The following RIMKLB variants were observed in gnomAD, a reference collection of about 807,000 sequenced individuals.
RIMKLB encodes beta-citrylglutamate synthase B.
In RIMKLB, 7 loss-of-function variants were observed where a neutral mutation model predicts 32.0. That is an observed-to-expected ratio of 0.22 (90% CI 0.12 to 0.41). The LOEUF is 0.41. Ranked by LOEUF, RIMKLB falls within the 10% of genes least tolerant of loss-of-function variation. The probability of loss-of-function intolerance (pLI) is 1.00; values close to 1 mark genes in which losing one functional copy is unlikely to be tolerated. For missense variants in RIMKLB, 289 were observed against 498.7 expected, an observed-to-expected ratio of 0.58 and a Z score of 4.00; for synonymous variants, 172 against 185.1, an observed-to-expected ratio of 0.93 and a Z score of 0.57.
chr12:8,781,445 A>T (rs1239970199), downstream of RIMKLB, among the ~76,000 whole-genome samples: 3 of 152,176 alleles, frequency 2.0e-5, no homozygotes, highest in African/African-American at 7.2e-5. Context: ...GGGTGGCGTG[A>T]TCTCTTCCAG....
chr12:8,687,465 G>A (rs758012982), intron 1 of RIMKLB, among the ~76,000 whole-genome samples: 13 of 152,094 alleles, frequency 8.5e-5, no homozygotes, highest in African/African-American at 2.9e-4. Context: ...CCAGAGAAAT[G>A]TTACAACTTA....
chr12:8,727,482 C>G (rs780350114), intron 2 of RIMKLB, among the ~76,000 whole-genome samples: 17 of 152,286 alleles, frequency 1.1e-4, no homozygotes, highest in African/African-American at 3.9e-4. Flanking sequence ...GGTAATCCAC[C>G]CGCCTCGGCC....
exon 1 of RIMKLB, chr12:8,681,724 G>A (rs756656199): frequency 6.6e-6 from 1 of 152,340 alleles, no homozygotes; most frequent in East Asian, 1.9e-4. Flanking sequence ...CTGCTAGGAG[G>A]GTGGTGTACT....
intron 5 of RIMKLB, among the ~76,000 whole-genome samples, chr12:8,757,393 C>T (rs181435104): frequency 2.0e-3 from 301 of 149,000 alleles, no homozygotes; most frequent in African/African-American, 6.8e-3. Context: ...ATAAGCCAGA[C>T]GTGGTGATTC....
In RIMKLB at chr12:8,758,227, A is replaced by AT. The variant is rs112378960; in HGVS notation, c.697+4144dup. On this transcript the variant is annotated intron_variant, in intron 5 of 5. Coordinates refer to ENST00000535829, the MANE Select transcript of RIMKLB (RefSeq NM_001297776.2). ...TCCTTTGTGTCCTTTTTTAATCGAG[A>AT]TTTTTTTTTTCCTTTTTTGTATTGA... Among the ~76,000 whole-genome samples the AT allele has an allele frequency of 1.7e-4, 25 of 142,940 alleles. 1 individual carries two copies. The highest frequency in any genetic ancestry group is 3.5e-3 in the Middle Eastern group (1 of 284). The allele number at this position is 142,940 out of a possible 152,430, so 93.8% of individuals were successfully genotyped here.
chr12:8,676,740 C>T (rs73245496), upstream of RIMKLB, among the ~76,000 whole-genome samples: 1,067 of 152,140 alleles, frequency 7.0e-3, 8 homozygotes, highest in African/African-American at 0.023. Context: ...TATCTATGTC[C>T]TCAACTCTAA....
chr12:8,730,259 T>C (rs1946414014), intron 2 of RIMKLB, among the ~76,000 whole-genome samples: 1 of 152,186 alleles, frequency 6.6e-6, no homozygotes, highest in Non-Finnish European at 1.5e-5. Context: ...CTAATTATTT[T>C]ATTTTATTTT....
intron 5 of RIMKLB, 46 bp from the exon 6 acceptor site, chr12:8,773,275 A>C (rs1259356962): frequency 5.0e-6 from 7 of 1,396,202 alleles, no homozygotes; most frequent in Non-Finnish European, 7.0e-6. Context: ...ATTTTATTTC[A>C]AAAGTTTATG....
At chr12:8,756,473 A>G (rs1949037562) in intron 5 of RIMKLB, among the ~76,000 whole-genome samples, 1 of 152,128 alleles carries the variant, frequency 6.6e-6, no homozygotes, top group Non-Finnish European at 1.5e-5. Context: ...CAAGTCAAAG[A>G]AGAGAATACA....
intron 2 of RIMKLB, among the ~76,000 whole-genome samples, chr12:8,720,765 C>T (rs993814168): frequency 6.6e-6 from 1 of 152,122 alleles, no homozygotes; most frequent in African/African-American, 2.4e-5. Flanking sequence ...GTCTGGAACT[C>T]CTGACCTTGA....
At position 8,751,957 on chromosome 12, in the gene RIMKLB, G is replaced by C; in HGVS notation, c.407G>C (p.Gly136Ala). 6.2e-7 allele frequency: 1 copy of C among 1,609,394 alleles called. No homozygotes were observed. Among genetic ancestry groups the C allele is most frequent in the Non-Finnish European group, 8.5e-7 (1 of 1,176,072 alleles). ...GVPLPDTFSY[G>A]GHENFAKMID... ...TAAATTTTTGTATTGCTCAAACCAGGTGGCCACGAAAATTTTGCTAAAATG... is the reference window on the plus strand; with the variant it reads ...TAAATTTTTGTATTGCTCAAACCAGCTGGCCACGAAAATTTTGCTAAAATG... The change falls in exon 4 of 6, where the codon GGT becomes GCT. Residue 136 changes from glycine (G) to alanine (A), a missense_variant and splice_region_variant. Physicochemically the swap from Gly to Ala is moderately conservative, Grantham distance 60. This residue lies in a region of RIMKLB where 156 missense variants were observed against 329.5 expected (regional missense o/e 0.47). Transcript: ENST00000535829.
At chr12:8,707,880 A>T (rs1012876374) in intron 1 of RIMKLB, among the ~76,000 whole-genome samples, 1 of 152,224 alleles carries the variant, frequency 6.6e-6, no homozygotes, top group Non-Finnish European at 1.5e-5. Flanking sequence ...AACTCCCGTG[A>T]TTCCTATCCA....
At chr12:8,732,752 T>TACACACACACACACACACAC (rs1317870164) in intron 2 of RIMKLB, among the ~76,000 whole-genome samples, 1 of 144,442 alleles carries the variant, frequency 6.9e-6, no homozygotes, top group African/African-American at 2.9e-5. Flanking sequence ...AAATTATATA[T>TACACACACACACACACACAC]ATATACACAC....
chr12:8,721,576 C>G (rs2023856892), intron 2 of RIMKLB, among the ~76,000 whole-genome samples: 1 of 152,162 alleles, frequency 6.6e-6, no homozygotes, highest in Non-Finnish European at 1.5e-5. Flanking sequence ...CCGTCTCAGG[C>G]TACACTCTCA....
intron 1 of RIMKLB, among the ~76,000 whole-genome samples, chr12:8,689,586 TTTG>T (rs1942674524): frequency 6.6e-6 from 1 of 152,318 alleles, no homozygotes; most frequent in South Asian, 2.1e-4. Flanking sequence ...TCTGCCTCTC[TTTG>T]TTATTTCTTC....
downstream of RIMKLB, among the ~76,000 whole-genome samples, chr12:8,778,280 T>G (rs1317013522): frequency 6.6e-6 from 1 of 152,146 alleles, no homozygotes; most frequent in Admixed American, 6.6e-5. Context: ...TGGTAAAAAC[T>G]CAACATAGCA....
At chr12:8,686,243 C>T (rs1942567578) in intron 1 of RIMKLB, among the ~76,000 whole-genome samples, 2 of 151,976 alleles carry the variant, frequency 1.3e-5, no homozygotes, top group Non-Finnish European at 2.9e-5. Flanking sequence ...GTGTGAGCCA[C>T]CGAGCCCTCT....
At position 8,772,936 on chromosome 12, in the gene RIMKLB, A is replaced by G. The variant is rs139144594; in HGVS notation, c.698-385A>G. Reference sequence around the variant, plus strand: ...GGAAGAAAACTGTGTTCACGTCACCACCTTCCCAGATTTCACCCCATCCTC... The same window carrying G: ...GGAAGAAAACTGTGTTCACGTCACCGCCTTCCCAGATTTCACCCCATCCTC... On this transcript the variant is annotated intron_variant, in intron 5 of 5. Coordinates refer to ENST00000535829, the MANE Select transcript of RIMKLB (RefSeq NM_001297776.2). Among the ~76,000 whole-genome samples, 155 of 152,158 alleles carry G rather than the reference A, an allele frequency of 1.0e-3. 2 individuals are homozygous for G. Among genetic ancestry groups the G allele is most frequent in the Admixed American group, 0.01 (153 of 15,270 alleles).
chr12:8,767,663 G>A (rs1950080802), intron 5 of RIMKLB, among the ~76,000 whole-genome samples: 1 of 152,170 alleles, frequency 6.6e-6, no homozygotes, highest in Non-Finnish European at 1.5e-5. Flanking sequence ...AACACCAGGA[G>A]TTCGGGATGA....
Sources: gnomAD v4.1 joint callset for allele counts (sites outside exome capture counted in the v4.1 genomes callset) on GRCh38, gnomAD v4.1.1 for gene constraint, gnomAD v4.1.1 regional missense constraint, MANE v1.5 for transcripts, NCBI Gene and HGNC (gene_info 2026-07-23, HGNC 2026-07-21) for gene names.